Variants in SCLT1 observed in about 807,000 individuals in gnomAD.
SCLT1 encodes sodium channel and clathrin linker 1, also known as sodium channel-associated protein 1.
SCLT1 carries 78 observed loss-of-function variants against 112.8 expected under a neutral mutation model. The ratio of observed to expected loss-of-function variants is 0.69; its 90% CI spans 0.58 to 0.83. The LOEUF is 0.83. SCLT1 is among the 40% of genes least tolerant of loss of function. The pLI is 0.00. For synonymous variants in SCLT1, 257 were observed against 254.7 expected, an observed-to-expected ratio of 1.01 and a Z score of -0.09; for missense variants, 747 against 770.4, an observed-to-expected ratio of 0.97 and a Z score of 0.36.
intron 2 of SCLT1, among the ~76,000 whole-genome samples, chr4:129,047,719 T>C (rs1748320395): frequency 6.6e-6 from 1 of 152,122 alleles, no homozygotes; most frequent in South Asian, 2.1e-4. Flanking sequence ...GGTTTTGATT[T>C]GCATTTCTCT....
chr4:128,979,704 G>T (rs941861245), intron 9 of SCLT1, among the ~76,000 whole-genome samples: 1 of 152,084 alleles, frequency 6.6e-6, no homozygotes. Flanking sequence ...TTAAAGACAG[G>T]TGTACAAATG....
At chr4:128,891,244 G>T in intron 18 of SCLT1, 107 bp from the exon 19 acceptor site, 2 of 822,430 alleles carry the variant, frequency 2.4e-6, no homozygotes, top group Non-Finnish European at 4.0e-6. Context: ...ATCATCTTGA[G>T]GTGGAAAATA....
At chr4:128,950,930 C>G (rs886225467) in intron 14 of SCLT1, among the ~76,000 whole-genome samples, 16 of 152,012 alleles carry the variant, frequency 1.1e-4, no homozygotes, top group African/African-American at 3.9e-4. Context: ...CTGTTAGGTA[C>G]GTGTTGGTCT....
At chr4:128,930,828 C>T (rs1736697479) in intron 18 of SCLT1, among the ~76,000 whole-genome samples, 1 of 151,956 alleles carries the variant, frequency 6.6e-6, no homozygotes, top group African/African-American at 2.4e-5. Context: ...GGGCAAATAC[C>T]AGGTAAGATG....
At chr4:129,035,848 T>A (rs1747132229) in intron 5 of SCLT1, among the ~76,000 whole-genome samples, 1 of 136,498 alleles carries the variant, frequency 7.3e-6, no homozygotes, top group African/African-American at 2.7e-5. Context: ...ATAATATGTA[T>A]TTTTTTTTTA....
At chr4:129,012,538 T>C (rs1343955963) in intron 5 of SCLT1, among the ~76,000 whole-genome samples, 1 of 152,196 alleles carries the variant, frequency 6.6e-6, no homozygotes. Context: ...TCAGGTCCAT[T>C]TGATCCACTG....
intron 1 of SCLT1, among the ~76,000 whole-genome samples, chr4:129,086,709 A>G (rs1752425444): frequency 6.6e-6 from 1 of 152,170 alleles, no homozygotes; most frequent in Non-Finnish European, 1.5e-5. Context: ...GCGCAGAAGG[A>G]CTAATGGGCA....
chr4:129,080,351 A>T (rs1490251284), intron 2 of SCLT1, among the ~76,000 whole-genome samples: 1 of 152,182 alleles, frequency 6.6e-6, no homozygotes, highest in Non-Finnish European at 1.5e-5. Context: ...TTGCAAACAC[A>T]TATGAACTTA....
At chr4:129,046,664 A>G (rs1279026930) in intron 2 of SCLT1, among the ~76,000 whole-genome samples, 2 of 152,250 alleles carry the variant, frequency 1.3e-5, no homozygotes, top group East Asian at 3.9e-4. Context: ...TCTTATTGGT[A>G]TAGGCATTTC....
intron 1 of SCLT1, among the ~76,000 whole-genome samples, chr4:129,085,458 T>G (rs1055822199): frequency 6.6e-6 from 1 of 152,194 alleles, no homozygotes; most frequent in East Asian, 1.9e-4. Flanking sequence ...AGTGTGGCGA[T>G]TCCTCAAACA....
At chr4:128,932,251 G>C (rs1336093766) in intron 18 of SCLT1, among the ~76,000 whole-genome samples, 1 of 151,826 alleles carries the variant, frequency 6.6e-6, no homozygotes, top group African/African-American at 2.4e-5. Context: ...ATAAACCACA[G>C]AACATTTAAA....
rs938590409 is a variant in SCLT1 at position 128,948,513 on chromosome 4, C to T, written c.1276G>A (p.Glu426Lys). ...ERVIKEKKAV[E>K]EELEKIYREG... ...CTTTTTACCTTTTCTAGTTCTTCTT[C>T]CACTGCTTTTTTTTCCTTAATGACT... is the stretch of plus-strand genomic sequence containing the variant. The change falls in exon 15 of 21, where the codon GAA (glutamate) becomes AAA (lysine). Residue 426 changes from glutamate to lysine, a missense_variant. This residue lies in a region of SCLT1 where 723 missense variants were observed against 721.3 expected (regional missense o/e 1.00). Transcript: ENST00000281142. 5 of 1,607,466 alleles carry T rather than the reference C, an allele frequency of 3.1e-6. No individual in the cohort carries two copies. Among genetic ancestry groups the T allele is most frequent in the Non-Finnish European group, 3.4e-6 (4 of 1,175,946 alleles).
intron 9 of SCLT1, chr4:128,972,448 C>T (rs1009830067): frequency 4.0e-5 from 6 of 150,128 alleles, no homozygotes; most frequent in African/African-American, 1.5e-4. Flanking sequence ...AAAAAAAAAC[C>T]TGTTGGAGAC....
chr4:128,985,344 C>T (rs1177590126), intron 9 of SCLT1, among the ~76,000 whole-genome samples: 3 of 152,086 alleles, frequency 2.0e-5, no homozygotes, highest in East Asian at 3.8e-4. Context: ...ATGATCAATA[C>T]ACACTATTGT....
At chr4:128,952,449 T>G (rs1481827664) in intron 14 of SCLT1, 2 of 487,694 alleles carry the variant, frequency 4.1e-6, no homozygotes, top group Non-Finnish European at 4.0e-6. Context: ...CACTGTTATA[T>G]ATACTTTCTC....
intron 9 of SCLT1, among the ~76,000 whole-genome samples, chr4:128,975,014 T>C (rs966478867): frequency 1.0e-4 from 15 of 149,568 alleles, no homozygotes; most frequent in African/African-American, 3.2e-4. Context: ...TCATTTCTTA[T>C]GATATTAAAC....
intron 5 of SCLT1, among the ~76,000 whole-genome samples, chr4:129,023,821 G>T (rs1579739929): frequency 6.6e-6 from 1 of 152,268 alleles, no homozygotes; most frequent in East Asian, 1.9e-4. Flanking sequence ...TGGAAAATCG[G>T]GTCACTCCCA....
At chr4:128,945,766 C>T (rs1377343848) in intron 16 of SCLT1, among the ~76,000 whole-genome samples, 1 of 152,030 alleles carries the variant, frequency 6.6e-6, no homozygotes, top group African/African-American at 2.4e-5. Flanking sequence ...TATAAACATC[C>T]TATTTAACTG....
chr4:129,078,580 A>G (rs1751664024), intron 2 of SCLT1, among the ~76,000 whole-genome samples: 1 of 152,070 alleles, frequency 6.6e-6, no homozygotes, highest in Admixed American at 6.6e-5. Context: ...ATAACAGCAA[A>G]TAGTGAATGG....
Sources: allele counts gnomAD v4.1 joint callset (sites outside exome capture counted in the v4.1 genomes callset), GRCh38; gene constraint gnomAD v4.1.1; regional missense constraint gnomAD v4.1.1; transcripts MANE v1.5; gene names NCBI Gene and HGNC (gene_info 2026-07-23, HGNC 2026-07-21).